The following SRGAP3 variants were observed in gnomAD, a reference collection of about 807,000 sequenced individuals.
SRGAP3 encodes the protein SLIT-ROBO Rho GTPase activating protein 3.
In SRGAP3, 39 loss-of-function variants were observed where a neutral mutation model predicts 121.1. That is an observed-to-expected ratio of 0.32 (90% CI 0.25 to 0.42). The LOEUF (loss-of-function observed/expected upper bound fraction) is 0.42, where lower values mean the gene tolerates loss of function less well. Ranked by LOEUF, SRGAP3 falls within the 10% of genes least tolerant of loss-of-function variation. SRGAP3 has a pLI of 1.00. For synonymous variants in SRGAP3, 601 were observed against 570.0 expected (o/e 1.05, Z -0.77); for missense variants, 1,213 against 1,470.6 (o/e 0.82, Z 2.86).
chr3:9,185,452 T>A (rs1208900630), intron 1 of SRGAP3, among the ~76,000 whole-genome samples: 1 of 152,026 alleles, frequency 6.6e-6, no homozygotes, highest in African/African-American at 2.4e-5. Flanking sequence ...AAGGGAGGCA[T>A]ATCAATGGCA....
rs976354273 is a variant in SRGAP3 at position 9,249,250 on chromosome 3, A to AAAT, written c.-302_-300dup. 14 of 493,454 alleles carry AAAT rather than the reference A, an allele frequency of 2.8e-5. No individual in the cohort carries two copies. Among genetic ancestry groups the AAAT allele is most frequent in the Non-Finnish European group, 4.8e-5 (13 of 270,118 alleles). 30.6% of individuals were successfully genotyped at this position (493,454 alleles called of 1,614,324 possible). A position where few individuals can be genotyped will look rare whatever the true frequency, so the allele number is the denominator to read the frequency against. On this transcript the variant is annotated 5_prime_UTR_variant, in exon 1 of 22. Transcript: ENST00000383836. ...AGATTTTCAAAGATTTTTCTTCCAA[A>AAAT]AATAATAATAATAGTAATAACCAAG...
In SRGAP3 at chr3:9,029,991, ATT is replaced by A. The variant is rs1163619210; in HGVS notation, c.1539+2657_1539+2658del. Among the ~76,000 whole-genome samples the A allele has an allele frequency of 3.7e-5, 4 of 109,116 alleles. No individual in the cohort carries two copies. The Admixed American group carries it at 3.9e-4, about 11-fold the overall frequency. 71.6% of individuals were successfully genotyped at this position (109,116 alleles called of 152,430 possible). On this transcript the variant is annotated intron_variant, in intron 12 of 21. Transcript: ENST00000383836. ...TCCTGTCTCTACAAAAAAAAAAAAA[ATT>A]ATTTTTTAATCAGCCAAGCATGGTG...
At chr3:9,201,781 A>T (rs1418525726) in intron 1 of SRGAP3, among the ~76,000 whole-genome samples, 7 of 152,196 alleles carry the variant, frequency 4.6e-5, no homozygotes, top group Admixed American at 2.6e-4. Flanking sequence ...TACTGGAGGG[A>T]TGTAATTCTT....
intron 18 of SRGAP3, among the ~76,000 whole-genome samples, chr3:8,997,855 C>G (rs1942502706): frequency 6.6e-6 from 1 of 150,462 alleles, no homozygotes; most frequent in Admixed American, 6.6e-5. Flanking sequence ...TCTCTAAACA[C>G]TTCAGCATAA....
chr3:9,313,159 C>T (rs1444632061), intron 3 of SRGAP3, among the ~76,000 whole-genome samples: 1 of 152,154 alleles, frequency 6.6e-6, no homozygotes, highest in Non-Finnish European at 1.5e-5. Flanking sequence ...GGCTTCCTTG[C>T]TCAAACACTA....
intron 2 of SRGAP3, among the ~76,000 whole-genome samples, chr3:9,122,709 A>C (rs1437916339): frequency 8.2e-6 from 1 of 122,474 alleles, no homozygotes; most frequent in Non-Finnish European, 1.7e-5. Context: ...ACTCCGTCTC[A>C]AAAAAAAAAA....
chr3:9,204,374 C>T lies in SRGAP3; in HGVS notation c.67+44511G>A, dbSNP rs189425049. ...AGAGTTCGGAGGTCACCAGGCCACT[C>T]CCCAGGCCTCCCTGACTGCCACCCC... On this transcript the variant is annotated intron_variant, in intron 1 of 21. Coordinates refer to ENST00000383836, the MANE Select transcript of SRGAP3 (RefSeq NM_014850.4). Among the ~76,000 whole-genome samples, 350 of 152,288 alleles carry T rather than the reference C, an allele frequency of 2.3e-3. 1 individual carries two copies. Among genetic ancestry groups the T allele is most frequent in the Admixed American group, 7.1e-3 (109 of 15,302 alleles).
intron 1 of SRGAP3, among the ~76,000 whole-genome samples, chr3:9,247,950 T>C (rs547360544): frequency 6.6e-6 from 1 of 152,362 alleles, no homozygotes; most frequent in African/African-American, 2.4e-5. Context: ...AGCCCCAGTC[T>C]GGCCTGAATG....
At chr3:9,046,455 G>C (rs1254478675) in intron 10 of SRGAP3, among the ~76,000 whole-genome samples, 2 of 152,230 alleles carry the variant, frequency 1.3e-5, no homozygotes, top group Admixed American at 6.5e-5. Context: ...GGCACAGTAA[G>C]GAAAGGGAGA....
At chr3:9,147,675 T>C (rs1255817093) in intron 1 of SRGAP3, among the ~76,000 whole-genome samples, 2 of 152,102 alleles carry the variant, frequency 1.3e-5, no homozygotes, top group Admixed American at 1.3e-4. Context: ...AAAATAACAA[T>C]GTGCTCGCAG....
rs376505729 is a variant in SRGAP3, at chr3:9,179,999, C to T, written c.68-55082G>A. ...ACACTGCCTTCCAGGCTGCAGCCTG[C>T]GAGGCCAACACTTCTGGGGCATCCC... On this transcript the variant is annotated intron_variant, in intron 1 of 21. Transcript: ENST00000383836. Among the ~76,000 whole-genome samples the T allele has an allele frequency of 1.5e-4, 23 of 152,356 alleles. No homozygotes were observed. The East Asian group carries it at 2.7e-3, about 18-fold the overall frequency.
At chr3:8,988,399 G>A (rs1941848490) in intron 21 of SRGAP3, among the ~76,000 whole-genome samples, 2 of 152,184 alleles carry the variant, frequency 1.3e-5, no homozygotes, top group African/African-American at 4.8e-5. Flanking sequence ...CCAATGCTGA[G>A]GCTGGAAACT....
chr3:9,264,200 A>G (rs1347652701), intron 3 of SRGAP3, among the ~76,000 whole-genome samples: 1 of 152,208 alleles, frequency 6.6e-6, no homozygotes, highest in African/African-American at 2.4e-5. Flanking sequence ...TCAATAAACT[A>G]GGTATTGATG....
intron 18 of SRGAP3, among the ~76,000 whole-genome samples, chr3:8,994,895 C>T (rs1942296258): frequency 6.6e-6 from 1 of 152,174 alleles, no homozygotes. Context: ...GCACCCTTTT[C>T]CTCTTTGTCA....
At chr3:9,052,731 C>G (rs1945640991) in intron 9 of SRGAP3, among the ~76,000 whole-genome samples, 2 of 152,222 alleles carry the variant, frequency 1.3e-5, no homozygotes, top group African/African-American at 4.8e-5. Flanking sequence ...GTACCTGACT[C>G]TGTCAGCCAT....
intron 1 of SRGAP3, among the ~76,000 whole-genome samples, chr3:9,134,068 C>A (rs1264935287): frequency 6.6e-6 from 1 of 152,228 alleles, no homozygotes; most frequent in Non-Finnish European, 1.5e-5. Flanking sequence ...GTTAACAGGT[C>A]TGACCCATTA....
chr3:9,148,954 T>G (rs2543496), intron 1 of SRGAP3, among the ~76,000 whole-genome samples: 116,036 of 151,996 alleles, frequency 0.76, 44,596 homozygotes, highest in African/African-American at 0.85. Flanking sequence ...GGGGGCTCAC[T>G]CCTGTAATAC....
At chr3:9,129,416 T>G (rs1186542636) in intron 1 of SRGAP3, among the ~76,000 whole-genome samples, 2 of 149,010 alleles carry the variant, frequency 1.3e-5, no homozygotes, top group African/African-American at 5.0e-5. Flanking sequence ...TTAAAATGTG[T>G]GAAGCAGAAG....
chr3:9,029,924 T>C (rs756332388), intron 12 of SRGAP3, among the ~76,000 whole-genome samples: 8 of 151,054 alleles, frequency 5.3e-5, no homozygotes, highest in African/African-American at 1.2e-4. Flanking sequence ...AAGGATCCCT[T>C]GGGCCCAGGA....
Sources: allele counts gnomAD v4.1 joint callset (sites outside exome capture counted in the v4.1 genomes callset), GRCh38; gene constraint gnomAD v4.1.1; transcripts MANE v1.5; gene names NCBI Gene and HGNC (gene_info 2026-07-23, HGNC 2026-07-21).